SYNPR: variants seen among roughly 807,000 people sequenced by gnomAD.
The protein encoded by SYNPR is synaptoporin.
SYNPR carries 23 observed loss-of-function variants against 32.9 expected under a neutral mutation model. The ratio of observed to expected loss-of-function variants is 0.70; its 90% CI spans 0.50 to 0.99. The LOEUF (loss-of-function observed/expected upper bound fraction) is 0.99, where lower values mean the gene tolerates loss of function less well. Ranked by LOEUF, SYNPR falls within the 50% of genes least tolerant of loss-of-function variation. The pLI is 0.00. For synonymous variants in SYNPR, 146 were observed against 135.9 expected (o/e 1.07, Z -0.52); for missense variants, 318 against 349.3 (o/e 0.91, Z 0.71).
the SYNPR span, among the ~76,000 whole-genome samples, chr3:63,206,562 A>T: frequency 6.6e-6 from 1 of 151,506 alleles, no homozygotes; most frequent in African/African-American, 2.4e-5. Context: ...CTGTGTCTCA[A>T]AAAAAAAGAA....
intron 2 of SYNPR, among the ~76,000 whole-genome samples, chr3:63,264,790 A>G (rs114706100): frequency 0.017 from 2,515 of 152,268 alleles, 64 homozygotes; most frequent in African/African-American, 0.057. Context: ...AAGGAGAGGC[A>G]GGCACTTTCC....
At chr3:63,473,266 T>A (rs1176421286) in intron 2 of SYNPR, among the ~76,000 whole-genome samples, 1 of 152,128 alleles carries the variant, frequency 6.6e-6, no homozygotes, top group Non-Finnish European at 1.5e-5. Flanking sequence ...ATATACCACA[T>A]ATTCCCCTAA....
chr3:63,437,385 A>G (rs965132001), intron 2 of SYNPR, among the ~76,000 whole-genome samples: 2 of 152,096 alleles, frequency 1.3e-5, no homozygotes, highest in African/African-American at 4.8e-5. Context: ...AAGACCACAC[A>G]AGTAGTAATA....
chr3:63,465,806 A>C (rs1700667628), intron 2 of SYNPR, among the ~76,000 whole-genome samples: 1 of 152,204 alleles, frequency 6.6e-6, no homozygotes, highest in Non-Finnish European at 1.5e-5. Context: ...ACATTTCCAA[A>C]TGTTTCACTT....
At chr3:63,301,237 T>C (rs2086842103) in intron 2 of SYNPR, among the ~76,000 whole-genome samples, 1 of 152,154 alleles carries the variant, frequency 6.6e-6, no homozygotes, top group South Asian at 2.1e-4. Flanking sequence ...ACTTTGGATA[T>C]TTAGATAATA....
intron 2 of SYNPR, among the ~76,000 whole-genome samples, chr3:63,360,693 C>A (rs887031945): frequency 2.6e-5 from 4 of 152,222 alleles, no homozygotes; most frequent in South Asian, 2.1e-4. Flanking sequence ...TTTCTAACTC[C>A]CCTTGGCCTA....
chr3:63,284,000 G>A (rs2086656770), intron 2 of SYNPR, among the ~76,000 whole-genome samples: 1 of 151,870 alleles, frequency 6.6e-6, no homozygotes. Flanking sequence ...AGTAGAGACA[G>A]GGTTTCACCG....
chr3:63,404,308 G>C (rs2088330574), intron 2 of SYNPR, among the ~76,000 whole-genome samples: 1 of 152,280 alleles, frequency 6.6e-6, no homozygotes, highest in South Asian at 2.1e-4. Context: ...AGAGCAGCCT[G>C]TTACTAAGGA....
intron 2 of SYNPR, among the ~76,000 whole-genome samples, chr3:63,455,130 G>A (rs1007698984): frequency 2.0e-5 from 3 of 152,036 alleles, no homozygotes; most frequent in Non-Finnish European, 4.4e-5. Flanking sequence ...TACCAGCTAA[G>A]TGTCCAATAG....
At chr3:63,204,514 T>C in the SYNPR span, among the ~76,000 whole-genome samples, 2 of 152,172 alleles carry the variant, frequency 1.3e-5, no homozygotes, top group African/African-American at 4.8e-5. Context: ...AGGTCACATT[T>C]TGAGGTACTG....
intron 3 of SYNPR, among the ~76,000 whole-genome samples, chr3:63,492,022 A>C (rs539626542): frequency 2.0e-5 from 3 of 152,120 alleles, no homozygotes; most frequent in Non-Finnish European, 4.4e-5. Context: ...TCAGAAGCTG[A>C]GAATATGGTG....
chr3:63,468,952 G>A (rs1280627873), intron 2 of SYNPR, among the ~76,000 whole-genome samples: 2 of 152,024 alleles, frequency 1.3e-5, no homozygotes, highest in South Asian at 4.1e-4. Flanking sequence ...GACTCTTATT[G>A]TCTAGTGAAA....
At chr3:63,331,307 C>G (rs910862141) in intron 2 of SYNPR, among the ~76,000 whole-genome samples, 2 of 152,148 alleles carry the variant, frequency 1.3e-5, no homozygotes, top group Admixed American at 6.5e-5. Context: ...ACTATCATTT[C>G]AGAATTCTTC....
At chr3:63,485,069 G>A (rs181848091) in intron 3 of SYNPR, among the ~76,000 whole-genome samples, 91 of 152,236 alleles carry the variant, frequency 6.0e-4, no homozygotes, top group Admixed American at 1.8e-3. Context: ...TTCTCTATCA[G>A]GGAGTTTCAT....
rs140565774 is a variant in SYNPR, at chr3:63,356,305, T to C, written c.84+77563T>C. On this transcript the variant is annotated intron_variant, in intron 2 of 5. Transcript: ENST00000478300. ...GGGATCAGAAGGCATCAAGAATGTGTTAACCACCACAGTCTACTTGGACAA... is the reference window on the plus strand; with the variant it reads ...GGGATCAGAAGGCATCAAGAATGTGCTAACCACCACAGTCTACTTGGACAA... Among the ~76,000 whole-genome samples, 1,221 of 152,326 alleles carry C rather than the reference T, an allele frequency of 8.0e-3. 12 individuals are homozygous for C. The highest frequency in any genetic ancestry group is 0.027 in the African/African-American group (1,132 of 41,556).
At chr3:63,422,782 C>G (rs1038715831) in intron 2 of SYNPR, among the ~76,000 whole-genome samples, 4 of 151,878 alleles carry the variant, frequency 2.6e-5, no homozygotes, top group African/African-American at 9.7e-5. Flanking sequence ...TTTAATACCC[C>G]CAAATTTCAC....
At chr3:63,325,618 A>G (rs928681742) in intron 2 of SYNPR, among the ~76,000 whole-genome samples, 2 of 152,076 alleles carry the variant, frequency 1.3e-5, no homozygotes, top group African/African-American at 4.8e-5. Context: ...CTCAGTGTAA[A>G]TTCATTTAGT....
chr3:63,238,863 A>T (rs2086217393), intron 1 of SYNPR, among the ~76,000 whole-genome samples: 1 of 152,106 alleles, frequency 6.6e-6, no homozygotes, highest in South Asian at 2.1e-4. Context: ...ATTCGGTATA[A>T]CTGTATCTTG....
intron 2 of SYNPR, among the ~76,000 whole-genome samples, chr3:63,396,830 C>T (rs146981692): frequency 0.013 from 2,029 of 152,256 alleles, 20 homozygotes; most frequent in African/African-American, 0.017. Flanking sequence ...ATTGGCCGAG[C>T]GCGGTGGCTC....
Sources: allele counts gnomAD v4.1 joint callset (sites outside exome capture counted in the v4.1 genomes callset), GRCh38; gene constraint gnomAD v4.1.1; transcripts MANE v1.5; gene names NCBI Gene and HGNC (gene_info 2026-07-23, HGNC 2026-07-21).